Variants in NRXN1 observed in about 807,000 individuals in gnomAD.
NRXN1 encodes neurexin 1, also known as neurexin-1.
Under a neutral mutation model 150.9 loss-of-function variants are expected in NRXN1, and 39 were observed. The observed-to-expected ratio is 0.26, with a 90% CI of 0.20 to 0.34. The LOEUF is 0.34. Ranked by LOEUF, NRXN1 falls within the 10% of genes least tolerant of loss-of-function variation. The pLI, the probability that NRXN1 is intolerant of heterozygous loss-of-function variation, is 1.00. For synonymous variants in NRXN1, 924 were observed against 757.0 expected, an observed-to-expected ratio of 1.22 and a Z score of -3.62; for missense variants, 1,815 against 1,949.9, an observed-to-expected ratio of 0.93 and a Z score of 1.30.
chr2:50,473,311 CT>C (rs1242405981), intron 15 of NRXN1, among the ~76,000 whole-genome samples: 3 of 151,348 alleles, frequency 2.0e-5, no homozygotes, highest in African/African-American at 7.3e-5. Context: ...CTTTGTTTAA[CT>C]TTTTCTCTCT....
At chr2:50,124,257 C>A (rs1244169041) in intron 18 of NRXN1, among the ~76,000 whole-genome samples, 2 of 152,048 alleles carry the variant, frequency 1.3e-5, no homozygotes, top group African/African-American at 2.4e-5. Flanking sequence ...TTACTGTTCA[C>A]CTTAATAAGA....
intron 5 of NRXN1, among the ~76,000 whole-genome samples, chr2:50,741,687 T>A (rs910782937): frequency 1.3e-5 from 2 of 152,180 alleles, no homozygotes; most frequent in East Asian, 1.9e-4. Flanking sequence ...GGTTTCATGA[T>A]ACTTCTTTTC....
At chr2:50,183,650 T>A (rs2060882155) in intron 18 of NRXN1, among the ~76,000 whole-genome samples, 1 of 150,482 alleles carries the variant, frequency 6.6e-6, no homozygotes, top group Admixed American at 6.7e-5. Context: ...CTAAAAGTGT[T>A]TCTGTTTGTC....
chr2:50,002,026 C>A (rs1029501879), intron 21 of NRXN1, among the ~76,000 whole-genome samples: 2 of 151,858 alleles, frequency 1.3e-5, no homozygotes, highest in African/African-American at 4.8e-5. Context: ...AGTTCTCCAA[C>A]CAGAAAGAAT....
chr2:50,425,783 C>T (rs1022061857), intron 17 of NRXN1, among the ~76,000 whole-genome samples: 1 of 152,110 alleles, frequency 6.6e-6, no homozygotes, highest in Non-Finnish European at 1.5e-5. Context: ...AGAGGCATGT[C>T]GTCATAGGTT....
intron 2 of NRXN1, among the ~76,000 whole-genome samples, chr2:50,938,834 T>C (rs1688941802): frequency 6.6e-6 from 1 of 152,182 alleles, no homozygotes; most frequent in South Asian, 2.1e-4. Flanking sequence ...TTAGGGAGTT[T>C]TAGCAAACTT....
chr2:50,273,786 C>T (rs990581894), intron 17 of NRXN1, among the ~76,000 whole-genome samples: 4 of 152,116 alleles, frequency 2.6e-5, no homozygotes, highest in African/African-American at 9.7e-5. Flanking sequence ...AGCTCATCAT[C>T]ACTGCTTATT....
chr2:50,410,602 C>T (rs114618817), intron 17 of NRXN1, among the ~76,000 whole-genome samples: 1,692 of 152,110 alleles, frequency 0.011, 28 homozygotes, highest in African/African-American at 0.039. Context: ...AATGAATGAA[C>T]GAAAGTAAAC....
At chr2:49,937,057 C>A (rs771886315) in intron 22 of NRXN1, among the ~76,000 whole-genome samples, 1 of 152,152 alleles carries the variant, frequency 6.6e-6, no homozygotes, top group Non-Finnish European at 1.5e-5. Flanking sequence ...ATATGGAGGA[C>A]TTGGGAGCCA....
intron 1 of NRXN1, among the ~76,000 whole-genome samples, chr2:51,030,880 T>C (rs948354844): frequency 3.4e-5 from 4 of 117,234 alleles, no homozygotes; most frequent in African/African-American, 1.5e-4. Context: ...TTAGAAAACC[T>C]TTTTTTTTTT....
chr2:50,174,931 A>T (rs1415974008), intron 18 of NRXN1: 1 of 152,220 alleles, frequency 6.6e-6, no homozygotes, highest in East Asian at 1.9e-4. Flanking sequence ...CAAGCGTAGC[A>T]TGCTATCATT....
chr2:50,517,322 A>G (rs1292662427), intron 12 of NRXN1, among the ~76,000 whole-genome samples: 1 of 152,152 alleles, frequency 6.6e-6, no homozygotes, highest in East Asian at 1.9e-4. Flanking sequence ...TTAAAATCTC[A>G]GAGAAAATAT....
At chr2:50,934,328 C>T (rs1433721224) in intron 2 of NRXN1, among the ~76,000 whole-genome samples, 1 of 152,098 alleles carries the variant, frequency 6.6e-6, no homozygotes, top group East Asian at 1.9e-4. Context: ...ACCACTTTTC[C>T]TATAAACATT....
At chr2:50,923,422 A>T (rs1315428086) in intron 3 of NRXN1, 1 of 317,556 alleles carries the variant, frequency 3.1e-6, no homozygotes, top group South Asian at 2.9e-5. Context: ...TAGTGTAAAG[A>T]TACATATTAC....
At chr2:50,745,306 C>CCG (rs1554039546) in intron 5 of NRXN1, among the ~76,000 whole-genome samples, 18 of 147,422 alleles carry the variant, frequency 1.2e-4, no homozygotes, top group African/African-American at 4.5e-4. Flanking sequence ...TCTGCCCCCC[C>CCG]CCAGGACTGA....
At chr2:50,824,774 A>G (rs964988851) in intron 5 of NRXN1, among the ~76,000 whole-genome samples, 2 of 152,314 alleles carry the variant, frequency 1.3e-5, no homozygotes, top group African/African-American at 2.4e-5. Flanking sequence ...GAGCATGGAT[A>G]CAAACTGGAC....
At chr2:50,957,517 C>G (rs1692463406) in intron 2 of NRXN1, among the ~76,000 whole-genome samples, 2 of 152,060 alleles carry the variant, frequency 1.3e-5, no homozygotes, top group South Asian at 4.1e-4. Flanking sequence ...TTACCCAGCA[C>G]AGAATGCCAA....
chr2:50,044,383 CT>C (rs1256772671), intron 21 of NRXN1, among the ~76,000 whole-genome samples: 1 of 152,152 alleles, frequency 6.6e-6, no homozygotes, highest in Non-Finnish European at 1.5e-5. Context: ...AATCTACAGA[CT>C]TGATGGTAAT....
At chr2:50,123,678 T>C (rs1259542984) in intron 18 of NRXN1, among the ~76,000 whole-genome samples, 1 of 152,136 alleles carries the variant, frequency 6.6e-6, no homozygotes, top group Admixed American at 6.5e-5. Context: ...TTAAACTTTA[T>C]TGAATTTTAA....
Sources: gnomAD v4.1 joint callset for allele counts (sites outside exome capture counted in the v4.1 genomes callset) on GRCh38, gnomAD v4.1.1 for gene constraint, MANE v1.5 for transcripts, NCBI Gene and HGNC (gene_info 2026-07-23, HGNC 2026-07-21) for gene names.